Variants in FAM181A observed in about 807,000 individuals in gnomAD.
FAM181A encodes protein FAM181A.
A neutral mutation model predicts 16.3 loss-of-function variants in FAM181A; 7 were observed. That is an observed-to-expected ratio of 0.43 (90% CI 0.24 to 0.81). The LOEUF is 0.81. FAM181A is among the 30% of genes least tolerant of loss of function. The pLI is 0.24. For missense variants in FAM181A, 349 were observed against 377.5 expected (o/e 0.92, Z 0.63); for synonymous variants, 183 against 164.9 (o/e 1.11, Z -0.84).
chr14:93,924,404 A>G (rs979579280), upstream of FAM181A, among the ~76,000 whole-genome samples: 2 of 152,316 alleles, frequency 1.3e-5, no homozygotes, highest in African/African-American at 4.8e-5. Context: ...GGGAAAAATA[A>G]TCCCCTCTCT....
Position 93,928,748 on chromosome 14 carries a change from G to A in FAM181A, c.463G>A (p.Gly155Arg). ...CCACAGCTACCATGTGGGGCTGGAGGGGGGACTGGGCCCCAGGGAGGGACC... is the reference window on the plus strand; with the variant it reads ...CCACAGCTACCATGTGGGGCTGGAGAGGGGACTGGGCCCCAGGGAGGGACC... Reference protein sequence around the residue: ...PTHSYHVGLEGGLGPREGPPY... With the variant: ...PTHSYHVGLERGLGPREGPPY... The change falls in exon 2 of 2, where the codon GGG becomes AGG. Residue 155 changes from glycine to arginine, a missense_variant. Coordinates refer to ENST00000556222, the MANE Select transcript of FAM181A (RefSeq NM_001207073.2). 4 of 1,613,986 alleles carry A rather than the reference G, an allele frequency of 2.5e-6. No individual in the cohort carries two copies. The highest frequency in any genetic ancestry group is 3.4e-6 in the Non-Finnish European group (4 of 1,179,960).
chr14:93,928,690 G>A lies in FAM181A; in HGVS notation c.405G>A (p.Leu135=). 1 of 1,613,968 alleles carries A rather than the reference G, an allele frequency of 6.2e-7. No homozygotes were observed. Among genetic ancestry groups the A allele is most frequent in the Non-Finnish European group, 8.5e-7 (1 of 1,179,982 alleles). ...PGQVPMRKRQ[L]PASFWEEPRP... is the part of the protein sequence containing the mutation. Reference sequence around the variant, plus strand: ...AGGTGCCCATGAGGAAAAGACAGCTGCCCGCTTCCTTCTGGGAAGAGCCAA... The same window carrying A: ...AGGTGCCCATGAGGAAAAGACAGCTACCCGCTTCCTTCTGGGAAGAGCCAA... The change falls in exon 2 of 2, where the codon CTG becomes CTA. Residue 135 remains leucine (L), a synonymous_variant. Coordinates refer to ENST00000556222, the MANE Select transcript of FAM181A (RefSeq NM_001207073.2).
chr14:93,927,476 C>A, intron 1 of FAM181A, 22 bp downstream of exon 1: 1 of 1,256,132 alleles, frequency 8.0e-7, no homozygotes, highest in Non-Finnish European at 1.0e-6. Flanking sequence ...GGCCCGGTGG[C>A]TCTGGCCCGA....
rs745432413 is a variant in FAM181A, at chr14:93,928,946, C to T, written c.661C>T (p.Gln221Ter). Residue 221 changes from glutamine (Q) to a stop codon, truncating the protein, a stop_gained, in exon 2 of 2, where the codon CAG (glutamine) becomes TAG (stop). Transcript: ENST00000556222. LOFTEE classifies it high-confidence loss of function. ...WSCCPFQYHG[Q>*]PIYPGPLGAL... is the part of the protein sequence containing the mutation. Reference sequence around the variant, plus strand: ...TTGCTGCCCCTTCCAGTACCATGGACAGCCCATCTATCCGGGCCCCCTGGG... The same window carrying T: ...TTGCTGCCCCTTCCAGTACCATGGATAGCCCATCTATCCGGGCCCCCTGGG... 3 of 1,614,100 alleles carry T rather than the reference C, an allele frequency of 1.9e-6. No individual in the cohort carries two copies. The highest frequency in any genetic ancestry group is 1.7e-6 in the Non-Finnish European group (2 of 1,179,998).
intron 1 of FAM181A, among the ~76,000 whole-genome samples, chr14:93,920,245 C>T (rs1054171312): frequency 2.0e-5 from 3 of 152,044 alleles, no homozygotes; most frequent in Admixed American, 1.3e-4. Flanking sequence ...AAGACCTCCT[C>T]TCTACAAAAA....
chr14:93,919,339 T>TA (rs1887639517), intron 1 of FAM181A, among the ~76,000 whole-genome samples: 1 of 152,204 alleles, frequency 6.6e-6, no homozygotes, highest in African/African-American at 2.4e-5. Flanking sequence ...TGATTAATCA[T>TA]AAAATCACAG....
chr14:93,928,237 G>A lies in FAM181A; in HGVS notation c.-49G>A. The A allele has an allele frequency of 6.2e-7, 1 of 1,613,610 alleles. No homozygotes were observed. The highest frequency in any genetic ancestry group is 8.5e-7 in the Non-Finnish European group (1 of 1,179,972). ...CCTTCCTTGGAGCTGCCGGCCACCA[G>A]CAGAGCCTACCCTCTTCATGGAAAG... On this transcript the variant is annotated 5_prime_UTR_variant, in exon 2 of 2. Transcript: ENST00000556222.
At chr14:93,920,709 A>G (rs190793427) in intron 1 of FAM181A, among the ~76,000 whole-genome samples, 89 of 152,360 alleles carry the variant, frequency 5.8e-4, no homozygotes, top group Non-Finnish European at 9.7e-4. Context: ...GATCTACAAA[A>G]TTCCCACAGC....
chr14:93,927,150 C>A, upstream of FAM181A: 1 of 422,658 alleles, frequency 2.4e-6, no homozygotes, highest in Non-Finnish European at 3.2e-6. Context: ...TAGAAATTTA[C>A]CGGGAAATGA....
At chr14:93,925,047 G>C (rs749371336), upstream of FAM181A, 1 of 517,500 alleles carries the variant, frequency 1.9e-6, no homozygotes, top group Non-Finnish European at 3.4e-6. Context: ...TCCTCAAAAA[G>C]TGTTTGGTGG....
chr14:93,923,211 G>A (rs956958100), upstream of FAM181A, among the ~76,000 whole-genome samples: 1 of 152,194 alleles, frequency 6.6e-6, no homozygotes, highest in African/African-American at 2.4e-5. Context: ...CTGACCTCAG[G>A]TGATCCATCC....
chr14:93,927,060 A>ACACACACACACACCCCCC (rs143090510), upstream of FAM181A: 5 of 153,988 alleles, frequency 3.2e-5, no homozygotes, highest in African/African-American at 1.0e-4. Flanking sequence ...ACACACACAC[A>ACACACACACACACCCCCC]CCCCACCCCC....
rs1888009260 is a variant in FAM181A, at chr14:93,928,465, T to C, written c.180T>C (p.Pro60=). ...ATTCCCGGCTCCCGCGGGGCCTTCC[T>C]GGCAGAGCTGCTGAGCCCTACCTGA... ...QKYSRLPRGL[P]GRAAEPYLKR... The change falls in exon 2 of 2, where the codon CCT becomes CCC. Residue 60 remains proline (P), a synonymous_variant. Coordinates refer to ENST00000556222, the MANE Select transcript of FAM181A (RefSeq NM_001207073.2). 1 of 1,611,334 alleles carries C rather than the reference T, an allele frequency of 6.2e-7. No homozygotes were observed. Among genetic ancestry groups the C allele is most frequent in the African/African-American group, 1.3e-5 (1 of 74,898 alleles).
At chr14:93,920,335 G>A (rs975105863) in intron 1 of FAM181A, among the ~76,000 whole-genome samples, 2 of 152,150 alleles carry the variant, frequency 1.3e-5, no homozygotes, top group Non-Finnish European at 2.9e-5. Context: ...AGGATTGCTT[G>A]AGTCCAGGAG....
At chr14:93,927,535 T>A in intron 1 of FAM181A, 81 bp downstream of exon 1, 1 of 1,280,330 alleles carries the variant, frequency 7.8e-7, no homozygotes, top group Non-Finnish European at 1.0e-6. Context: ...AGGGGCGAGG[T>A]GCCGTGGGTG....
chr14:93,928,290 C>A lies in FAM181A; in HGVS notation c.5C>A (p.Ala2Glu). The change falls in exon 2 of 2, where the codon GCA becomes GAA. Residue 2 changes from alanine to glutamate, a missense_variant. Coordinates refer to ENST00000556222, the MANE Select transcript of FAM181A (RefSeq NM_001207073.2). The stretch of plus-strand genomic sequence containing the variant: ...TCGTGCAGTGGCCCCCTGGTGATGG[C>A]ATCCGACAGTGATGTGAAGATGCTG... MASDSDVKMLLN... is the reference protein window; with the variant it reads MESDSDVKMLLN... 1 of 1,613,794 alleles carries A rather than the reference C, an allele frequency of 6.2e-7. No homozygotes were observed. The highest frequency in any genetic ancestry group is 8.5e-7 in the Non-Finnish European group (1 of 1,180,024).
At chr14:93,922,343 A>G (rs1887755533) in intron 1 of FAM181A, 1 of 152,242 alleles carries the variant, frequency 6.6e-6, no homozygotes, top group African/African-American at 2.4e-5. Context: ...GGGACCAGGT[A>G]ATAGTTTCTC....
At chr14:93,925,776 G>T (rs1283419467), upstream of FAM181A, among the ~76,000 whole-genome samples, 1 of 151,962 alleles carries the variant, frequency 6.6e-6, no homozygotes, top group Non-Finnish European at 1.5e-5. Flanking sequence ...ATACAGTGCT[G>T]GCTTTCAAGG....
At chr14:93,920,146 G>T (rs1887669909) in intron 1 of FAM181A, among the ~76,000 whole-genome samples, 2 of 152,198 alleles carry the variant, frequency 1.3e-5, no homozygotes, top group Non-Finnish European at 2.9e-5. Flanking sequence ...AGGTGTGGTG[G>T]CTCATACCTG....
Sources: gnomAD v4.1 joint callset for allele counts (sites outside exome capture counted in the v4.1 genomes callset) on GRCh38, gnomAD v4.1.1 for gene constraint, MANE v1.5 for transcripts, NCBI Gene and HGNC (gene_info 2026-07-23, HGNC 2026-07-21) for gene names.